Variants in SHTN1 observed in about 807,000 individuals in gnomAD.
SHTN1 encodes shootin-1.
SHTN1 carries 42 observed loss-of-function variants against 83.1 expected under a neutral mutation model. The ratio of observed to expected loss-of-function variants is 0.51; its 90% CI spans 0.39 to 0.65. SHTN1 has a LOEUF of 0.65. SHTN1 is among the 30% of genes least tolerant of loss of function. SHTN1 has a pLI of 0.00. For missense variants in SHTN1, 622 were observed against 737.8 expected (o/e 0.84, Z 1.82); for synonymous variants, 224 against 247.7 (o/e 0.90, Z 0.90).
chr10:116,933,852 T>G (rs1013656801), intron 9 of SHTN1, among the ~76,000 whole-genome samples: 5 of 152,230 alleles, frequency 3.3e-5, no homozygotes, highest in African/African-American at 1.2e-4. Context: ...TTTTTAATGA[T>G]CGCCATTCTA....
At chr10:116,942,616 A>C (rs1039466035) in intron 8 of SHTN1, among the ~76,000 whole-genome samples, 4 of 152,208 alleles carry the variant, frequency 2.6e-5, no homozygotes, top group African/African-American at 9.6e-5. Flanking sequence ...TTTGTTTTTT[A>C]AATGAACTAG....
chr10:116,920,760 T>C (rs1848533963), intron 12 of SHTN1, among the ~76,000 whole-genome samples: 1 of 152,144 alleles, frequency 6.6e-6, no homozygotes, highest in African/African-American at 2.4e-5. Flanking sequence ...GTTCCAGCCA[T>C]ACCAACTTTC....
chr10:116,925,846 T>C (rs975656341), intron 11 of SHTN1, among the ~76,000 whole-genome samples: 1 of 152,064 alleles, frequency 6.6e-6, no homozygotes, highest in Non-Finnish European at 1.5e-5. Flanking sequence ...CTAGTCTTTT[T>C]TTTTCTTCCC....
chr10:116,989,217 T>TA (rs1851330374), intron 1 of SHTN1, among the ~76,000 whole-genome samples: 1 of 152,210 alleles, frequency 6.6e-6, no homozygotes, highest in African/African-American at 2.4e-5. Flanking sequence ...TGCAATATCT[T>TA]ACATTAGTAT....
At chr10:116,930,685 T>C (rs1171724825) in intron 9 of SHTN1, among the ~76,000 whole-genome samples, 2 of 152,188 alleles carry the variant, frequency 1.3e-5, no homozygotes, top group Non-Finnish European at 2.9e-5. Flanking sequence ...AGTGCTGCGA[T>C]GAATATGTGT....
chr10:116,972,486 T>G (rs1364606512), intron 2 of SHTN1, among the ~76,000 whole-genome samples: 1 of 152,206 alleles, frequency 6.6e-6, no homozygotes, highest in Non-Finnish European at 1.5e-5. Context: ...TTCATCTTTT[T>G]AGGTGAACCC....
chr10:117,074,480 T>C (rs1853126226), intron 1 of SHTN1, among the ~76,000 whole-genome samples: 1 of 152,192 alleles, frequency 6.6e-6, no homozygotes, highest in South Asian at 2.1e-4. Context: ...TATGTACATC[T>C]TTCTGGGGAG....
chr10:116,966,287 C>T (rs1413859144), intron 3 of SHTN1, among the ~76,000 whole-genome samples: 3 of 152,130 alleles, frequency 2.0e-5, no homozygotes, highest in Admixed American at 6.5e-5. Flanking sequence ...CGATTACAGG[C>T]GTGAGCCACT....
At chr10:116,992,035 G>A (rs940372436) in intron 1 of SHTN1, among the ~76,000 whole-genome samples, 5 of 151,988 alleles carry the variant, frequency 3.3e-5, no homozygotes, top group African/African-American at 7.3e-5. Flanking sequence ...CCAGCTACTC[G>A]GGAGGCTGAG....
At position 117,004,166 on chromosome 10, in the gene SHTN1, C is replaced by T. The variant is rs557083015; in HGVS notation, c.58+856G>A. On this transcript the variant is annotated intron_variant, in intron 1 of 16. Coordinates refer to ENST00000355371, the MANE Select transcript of SHTN1 (RefSeq NM_001127211.3). ...CCTCCCAAATTGCTGAGATTACAGG[C>T]GTGAGCCACCGCACCCGGCTGGTTC... Among the ~76,000 whole-genome samples the T allele has an allele frequency of 2.4e-4, 37 of 152,288 alleles. No homozygotes were observed. In the South Asian group the frequency reaches 7.3e-3, roughly 30 times the overall value.
At chr10:116,960,444 T>C (rs190516169) in intron 3 of SHTN1, 2 of 429,228 alleles carry the variant, frequency 4.7e-6, no homozygotes, top group Non-Finnish European at 8.3e-6. Flanking sequence ...AATACATTCA[T>C]TTCACATACA....
rs564878371 is a variant in SHTN1, at chr10:116,913,538, G to A, written c.1306-1695C>T. On this transcript the variant is annotated intron_variant, in intron 13 of 16. Coordinates refer to ENST00000355371, the MANE Select transcript of SHTN1 (RefSeq NM_001127211.3). ...AAGCACAAAGTGATATTCTGAAAAC[G>A]AAAGTACGTATGGAACATTGATTGC... 8.5e-5 allele frequency among the ~76,000 whole-genome samples: 13 copies of A among 152,304 alleles called. No individual in the cohort carries two copies. In the South Asian group the frequency reaches 2.5e-3, roughly 29 times the overall value.
chr10:117,121,646 T>C (rs570708198), intron 1 of SHTN1, among the ~76,000 whole-genome samples: 24 of 152,080 alleles, frequency 1.6e-4, no homozygotes, highest in African/African-American at 4.3e-4. Flanking sequence ...ATGGGGGTGG[T>C]TTCCAGGAAC....
chr10:117,096,931 A>G (rs1235645264), intron 1 of SHTN1, among the ~76,000 whole-genome samples: 2 of 152,242 alleles, frequency 1.3e-5, no homozygotes, highest in Non-Finnish European at 2.9e-5. Flanking sequence ...GAGGAACATC[A>G]TCATGGAGAT....
intron 11 of SHTN1, 34 bp downstream of exon 11, chr10:116,927,758 T>G (rs368375237): frequency 6.7e-7 from 1 of 1,482,446 alleles, no homozygotes. Flanking sequence ...GAGAAGAACA[T>G]TTGATGCAGA....
chr10:117,028,824 G>T (rs908935425), intron 2 of SHTN1, among the ~76,000 whole-genome samples: 24 of 152,214 alleles, frequency 1.6e-4, no homozygotes, highest in Admixed American at 1.2e-3. Context: ...GAAGCCTGCT[G>T]CAGGGGTGGA....
intron 1 of SHTN1, among the ~76,000 whole-genome samples, chr10:117,071,585 A>G (rs1164169399): frequency 6.6e-6 from 1 of 152,208 alleles, no homozygotes; most frequent in Non-Finnish European, 1.5e-5. Flanking sequence ...ACATTTGTTG[A>G]TAAACTTGTG....
At chr10:116,973,354 G>A (rs1850684697) in intron 2 of SHTN1, among the ~76,000 whole-genome samples, 1 of 152,174 alleles carries the variant, frequency 6.6e-6, no homozygotes, top group Non-Finnish European at 1.5e-5. Context: ...CAGGGCCCAA[G>A]AAGTGCATAT....
At chr10:116,908,418 G>A (rs958731313) in intron 14 of SHTN1, among the ~76,000 whole-genome samples, 2 of 151,988 alleles carry the variant, frequency 1.3e-5, no homozygotes, top group Non-Finnish European at 2.9e-5. Context: ...ACACCATAAG[G>A]TATGACCAAT....
Sources: allele counts gnomAD v4.1 joint callset (sites outside exome capture counted in the v4.1 genomes callset), GRCh38; gene constraint gnomAD v4.1.1; transcripts MANE v1.5; gene names NCBI Gene and HGNC (gene_info 2026-07-23, HGNC 2026-07-21).